RIMBP2: variants seen among roughly 807,000 people sequenced by gnomAD.
The protein encoded by RIMBP2 is RIMS-binding protein 2.
In RIMBP2, 48 loss-of-function variants were observed where a neutral mutation model predicts 118.6. That is an observed-to-expected ratio of 0.40 (90% CI 0.32 to 0.51). The LOEUF (loss-of-function observed/expected upper bound fraction) is 0.51, where lower values mean the gene tolerates loss of function less well. RIMBP2 is among the 20% of genes least tolerant of loss of function. RIMBP2 has a pLI of 0.41. For synonymous variants in RIMBP2, 762 were observed against 742.9 expected, an observed-to-expected ratio of 1.03 and a Z score of -0.42; for missense variants, 1,551 against 1,768.3, an observed-to-expected ratio of 0.88 and a Z score of 2.20.
At chr12:130,686,411 C>T (rs780614879) in intron 1 of RIMBP2, among the ~76,000 whole-genome samples, 2 of 152,356 alleles carry the variant, frequency 1.3e-5, no homozygotes, top group Non-Finnish European at 2.9e-5. Flanking sequence ...CACTGAGAAG[C>T]GCGGCCCAGA....
chr12:130,673,381 G>A (rs2064288227), intron 1 of RIMBP2, among the ~76,000 whole-genome samples: 1 of 152,198 alleles, frequency 6.6e-6, no homozygotes, highest in Non-Finnish European at 1.5e-5. Context: ...CAAATGGTCG[G>A]TACCCCCAAA....
chr12:130,650,316 C>T (rs1054005721), intron 1 of RIMBP2, among the ~76,000 whole-genome samples: 1 of 152,226 alleles, frequency 6.6e-6, no homozygotes, highest in Non-Finnish European at 1.5e-5. Flanking sequence ...CATCTGGGCA[C>T]CCTTCCGAAA....
At position 130,431,142 on chromosome 12, in the gene RIMBP2, A is replaced by T. The variant is rs2077123232; in HGVS notation, c.2254-2805T>A. 6.6e-6 allele frequency among the ~76,000 whole-genome samples: 1 copy of T among 152,234 alleles called. No individual in the cohort carries two copies. Among genetic ancestry groups the T allele is most frequent in the South Asian group, 2.1e-4 (1 of 4,834 alleles). The stretch of plus-strand genomic sequence containing the variant: ...GTGATTTTTTCAGAGCAAATGTCCC[A>T]GCTACTCTCAGCCTCCCTTCTTTCA... On this transcript the variant is annotated intron_variant, in intron 14 of 22. Coordinates refer to ENST00000690449, the MANE Select transcript of RIMBP2 (RefSeq NM_001393629.1). This position sits in a 1 kb window ranked among gnomAD's most constrained non-coding sequence, Gnocchi z 4.0.
intron 2 of RIMBP2, among the ~76,000 whole-genome samples, chr12:130,567,733 C>T (rs192593775): frequency 2.0e-5 from 3 of 152,346 alleles, no homozygotes; most frequent in Admixed American, 2.0e-4. Context: ...GTCCCCTCCA[C>T]CCTGCCTCTA....
At chr12:130,502,225 C>G (rs1187813257) in intron 4 of RIMBP2, among the ~76,000 whole-genome samples, 1 of 152,158 alleles carries the variant, frequency 6.6e-6, no homozygotes, top group Admixed American at 6.5e-5. Context: ...TCCGGTCAAG[C>G]TGAGAAGCTC....
Position 130,622,457 on chromosome 12 carries a change from C to T in RIMBP2, c.-217+5865G>A, listed in dbSNP as rs980962162. On this transcript the variant is annotated intron_variant, in intron 2 of 22. Transcript: ENST00000690449. The surrounding 1 kb of genome is among the most constrained non-coding windows in gnomAD (Gnocchi z 8.5). Reference sequence around the variant, plus strand: ...ATAAATTCACTATTCACTAATTGTACGTATAATTCTCTACTATTTTTCATA... The same window carrying T: ...ATAAATTCACTATTCACTAATTGTATGTATAATTCTCTACTATTTTTCATA... 3.3e-5 allele frequency among the ~76,000 whole-genome samples: 5 copies of T among 152,044 alleles called. No homozygotes were observed. Among genetic ancestry groups the T allele is most frequent in the South Asian group, 2.1e-4 (1 of 4,816 alleles).
chr12:130,623,483 A>G lies in RIMBP2; in HGVS notation c.-217+4839T>C, dbSNP rs1242719383. On this transcript the variant is annotated intron_variant, in intron 2 of 22. Transcript: ENST00000690449. This position sits in a 1 kb window ranked among gnomAD's most constrained non-coding sequence, Gnocchi z 4.1. ...ATGTACACAGGTAGCATGGACAAGTATGTTCCCTGCTGTAGTACTGATAAT... is the reference window on the plus strand; with the variant it reads ...ATGTACACAGGTAGCATGGACAAGTGTGTTCCCTGCTGTAGTACTGATAAT... 2.6e-5 allele frequency among the ~76,000 whole-genome samples: 4 copies of G among 152,008 alleles called. No homozygotes were observed. Among genetic ancestry groups the G allele is most frequent in the Admixed American group, 6.5e-5 (1 of 15,274 alleles).
chr12:130,657,860 C>T (rs891766848), intron 1 of RIMBP2: 2 of 152,302 alleles, frequency 1.3e-5, no homozygotes, highest in African/African-American at 4.8e-5. Context: ...ACGGAACCAG[C>T]TACCCAACGA....
At chr12:130,610,952 G>A (rs1369695477) in intron 2 of RIMBP2, among the ~76,000 whole-genome samples, 1 of 152,194 alleles carries the variant, frequency 6.6e-6, no homozygotes, top group African/African-American at 2.4e-5. Flanking sequence ...GCTGCCCAGC[G>A]AGTCCCTGGC....
intron 1 of RIMBP2, among the ~76,000 whole-genome samples, chr12:130,671,520 C>T (rs1394119447): frequency 6.6e-6 from 1 of 152,198 alleles, no homozygotes; most frequent in African/African-American, 2.4e-5. Flanking sequence ...CAGCCTATCC[C>T]CAGTGCCTAG....
intron 1 of RIMBP2, among the ~76,000 whole-genome samples, chr12:130,652,203 G>T (rs1165245324): frequency 6.6e-6 from 1 of 152,188 alleles, no homozygotes; most frequent in East Asian, 1.9e-4. Flanking sequence ...AAACTATGTA[G>T]CCTTTAGGCC....
intron 5 of RIMBP2, among the ~76,000 whole-genome samples, chr12:130,478,441 A>G (rs748567143): frequency 3.3e-5 from 5 of 152,154 alleles, no homozygotes; most frequent in East Asian, 1.9e-4. Context: ...GTGGGCATCA[A>G]TTGGGTCCAG....
intron 6 of RIMBP2, among the ~76,000 whole-genome samples, chr12:130,457,157 C>T (rs2079525070): frequency 6.6e-6 from 1 of 152,200 alleles, no homozygotes; most frequent in South Asian, 2.1e-4. Flanking sequence ...AGGGGAGCAG[C>T]TCAGGTGCTG....
rs547210061 is a variant in RIMBP2 at position 130,703,923 on chromosome 12, C to T, written c.-352+12299G>A. ...CCGACCACCCTGGGAGGCAGTGCCC[C>T]AGCTGTGCTCACCGGTGAGGGGAAC... On this transcript the variant is annotated intron_variant, in intron 1 of 22. Transcript: ENST00000690449. This position sits in a 1 kb window ranked among gnomAD's most constrained non-coding sequence, Gnocchi z 5.7. Among the ~76,000 whole-genome samples, 1 of 152,218 alleles carries T rather than the reference C, an allele frequency of 6.6e-6. No individual in the cohort carries two copies. The highest frequency in any genetic ancestry group is 1.9e-4 in the East Asian group (1 of 5,158).
At chr12:130,658,497 C>G (rs1467313046) in intron 1 of RIMBP2, 1 of 152,120 alleles carries the variant, frequency 6.6e-6, no homozygotes, top group African/African-American at 2.4e-5. Flanking sequence ...AGACGGCAGA[C>G]AACAGTTTAA....
Position 130,703,780 on chromosome 12 carries a change from G to A in RIMBP2, c.-352+12442C>T, listed in dbSNP as rs186398226. On this transcript the variant is annotated intron_variant, in intron 1 of 22. Coordinates refer to ENST00000690449, the MANE Select transcript of RIMBP2 (RefSeq NM_001393629.1). The surrounding 1 kb of genome is among the most constrained non-coding windows in gnomAD (Gnocchi z 5.7). ...ACGGTGTTTCCTAGGGGAGAAGAAA[G>A]GAAAACAGCACCCACAATTGAACAG... Among the ~76,000 whole-genome samples the A allele has an allele frequency of 1.0e-3, 157 of 152,222 alleles. 1 individual carries two copies. Among genetic ancestry groups the A allele is most frequent in the African/African-American group, 3.5e-3 (146 of 41,540 alleles).
rs2061023758 is a variant in RIMBP2 at position 130,617,601 on chromosome 12, T to C, written c.-217+10721A>G. Among the ~76,000 whole-genome samples the C allele has an allele frequency of 6.6e-6, 1 of 152,164 alleles. No individual in the cohort carries two copies. The highest frequency in any genetic ancestry group is 6.5e-5 in the Admixed American group (1 of 15,278). On this transcript the variant is annotated intron_variant, in intron 2 of 22. Transcript: ENST00000690449. The surrounding 1 kb of genome is among the most constrained non-coding windows in gnomAD (Gnocchi z 4.6). Reference sequence around the variant, plus strand: ...AAGGGCCTGGAGGCGGCCTTTCCTTTAGCAAAGGTGGGCTGCTTCTTATTT... The same window carrying C: ...AAGGGCCTGGAGGCGGCCTTTCCTTCAGCAAAGGTGGGCTGCTTCTTATTT...
At chr12:130,549,055 C>G (rs2055469478) in intron 2 of RIMBP2, among the ~76,000 whole-genome samples, 1 of 152,216 alleles carries the variant, frequency 6.6e-6, no homozygotes, top group South Asian at 2.1e-4. Flanking sequence ...TAATTCTATT[C>G]TACCCCTAAT....
At chr12:130,421,996 C>T (rs997703821) in intron 17 of RIMBP2, among the ~76,000 whole-genome samples, 1 of 152,206 alleles carries the variant, frequency 6.6e-6, no homozygotes, top group African/African-American at 2.4e-5. Context: ...GGGGCACACT[C>T]AGCTGCACGG....
Sources: allele counts gnomAD v4.1 joint callset (sites outside exome capture counted in the v4.1 genomes callset), GRCh38; gene constraint gnomAD v4.1.1; non-coding constraint Gnocchi (gnomAD v3.1); transcripts MANE v1.5; gene names NCBI Gene and HGNC (gene_info 2026-07-23, HGNC 2026-07-21).